Variants in DYNC1I1 observed in about 807,000 individuals in gnomAD.
DYNC1I1 encodes cytoplasmic dynein 1 intermediate chain 1.
A neutral mutation model predicts 86.6 loss-of-function variants in DYNC1I1; 43 were observed. The ratio of observed to expected loss-of-function variants is 0.50; its 90% confidence interval spans 0.39 to 0.64. DYNC1I1 has a LOEUF of 0.64. Ranked by LOEUF, DYNC1I1 falls within the 30% of genes least tolerant of loss-of-function variation. DYNC1I1 has a pLI of 0.00. For synonymous variants in DYNC1I1, 262 were observed against 283.7 expected, an observed-to-expected ratio of 0.92 and a Z score of 0.77; for missense variants, 604 against 788.8, an observed-to-expected ratio of 0.77 and a Z score of 2.81.
chr7:95,906,163 T>C (rs1289932255), intron 6 of DYNC1I1, among the ~76,000 whole-genome samples: 1 of 152,184 alleles, frequency 6.6e-6, no homozygotes, highest in East Asian at 1.9e-4. Flanking sequence ...GTTTCTATTA[T>C]TTCTGGAAGC....
intron 4 of DYNC1I1, chr7:95,819,082 A>G (rs1239075677): frequency 2.0e-5 from 3 of 152,118 alleles, no homozygotes; most frequent in Non-Finnish European, 4.4e-5. Flanking sequence ...AGGTGGAGAA[A>G]TGTCTTCTGA....
chr7:95,989,218 A>T (rs1026541511), intron 9 of DYNC1I1, among the ~76,000 whole-genome samples: 6 of 152,194 alleles, frequency 3.9e-5, no homozygotes, highest in African/African-American at 1.4e-4. Flanking sequence ...AATTAATCCT[A>T]TTGGAGAACA....
chr7:95,804,618 A>G, intron 1 of DYNC1I1, 103 bp from the exon 2 acceptor site: 1 of 1,267,686 alleles, frequency 7.9e-7, no homozygotes. Context: ...TGATCATCCA[A>G]AAGTCACATT....
At chr7:95,814,073 AC>A (rs1794895339) in intron 4 of DYNC1I1, among the ~76,000 whole-genome samples, 1 of 152,194 alleles carries the variant, frequency 6.6e-6, no homozygotes, top group South Asian at 2.1e-4. Context: ...CAGTGTTCCC[AC>A]ATGCCGGGGT....
intron 6 of DYNC1I1, among the ~76,000 whole-genome samples, chr7:95,880,549 G>A (rs1257297818): frequency 6.6e-6 from 1 of 151,864 alleles, no homozygotes; most frequent in Non-Finnish European, 1.5e-5. Context: ...GTCAGGTCCA[G>A]CCTTACCTGT....
intron 10 of DYNC1I1, among the ~76,000 whole-genome samples, chr7:96,025,885 T>A (rs537578744): frequency 6.6e-6 from 1 of 151,910 alleles, no homozygotes; most frequent in African/African-American, 2.4e-5. Flanking sequence ...ACAGAAGCAA[T>A]CAAGTGGTTG....
At chr7:95,934,920 GT>G (rs927362207) in intron 6 of DYNC1I1, among the ~76,000 whole-genome samples, 7 of 148,894 alleles carry the variant, frequency 4.7e-5, no homozygotes, top group East Asian at 3.9e-4. Context: ...TTTGTTCTTC[GT>G]TTTTTTTTGT....
intron 14 of DYNC1I1, among the ~76,000 whole-genome samples, chr7:96,049,257 CAAAAAAAAAAAA>C (rs200677000): frequency 2.4e-4 from 18 of 76,034 alleles, no homozygotes; most frequent in African/African-American, 8.8e-4. Flanking sequence ...GACTCCATCT[CAAAAAAAAAAAA>C]AAAAAAAAAA....
chr7:95,782,544 G>T (rs187507703), intron 1 of DYNC1I1, among the ~76,000 whole-genome samples: 1 of 152,340 alleles, frequency 6.6e-6, no homozygotes, highest in East Asian at 1.9e-4. Context: ...GAGCCAGAAT[G>T]AGCACTTTTG....
intron 5 of DYNC1I1, among the ~76,000 whole-genome samples, chr7:95,854,211 G>T (rs536867567): frequency 3.9e-5 from 6 of 152,078 alleles, no homozygotes; most frequent in African/African-American, 1.2e-4. Context: ...TAGACCCTCT[G>T]TTCTTTTCTT....
intron 14 of DYNC1I1, among the ~76,000 whole-genome samples, chr7:96,044,387 C>CA (rs1479730559): frequency 5.3e-5 from 8 of 151,088 alleles, no homozygotes; most frequent in Admixed American, 2.6e-4. Context: ...GAGGGTGGGA[C>CA]AAAAAATTAC....
intron 6 of DYNC1I1, among the ~76,000 whole-genome samples, chr7:95,925,938 A>T (rs1345115142): frequency 6.6e-6 from 1 of 152,186 alleles, no homozygotes; most frequent in Non-Finnish European, 1.5e-5. Context: ...AAAGTTCCTT[A>T]ATATTTACCC....
chr7:95,966,647 G>C (rs1364923302), intron 6 of DYNC1I1, among the ~76,000 whole-genome samples: 1 of 152,192 alleles, frequency 6.6e-6, no homozygotes, highest in African/African-American at 2.4e-5. Flanking sequence ...CCTTTCTAAA[G>C]CCTCGGTTTT....
chr7:96,052,277 A>T (rs1477612884), intron 14 of DYNC1I1, among the ~76,000 whole-genome samples: 2 of 152,212 alleles, frequency 1.3e-5, no homozygotes, highest in Admixed American at 1.3e-4. Context: ...AAGCTTTAAA[A>T]ATCCTACTAG....
intron 6 of DYNC1I1, among the ~76,000 whole-genome samples, chr7:95,914,736 A>T (rs1791423976): frequency 6.6e-6 from 1 of 152,238 alleles, no homozygotes; most frequent in Admixed American, 6.5e-5. Context: ...TGGCATTTGC[A>T]TTAATTCATG....
At chr7:95,802,129 G>A (rs1441907785) in intron 1 of DYNC1I1, among the ~76,000 whole-genome samples, 1 of 151,722 alleles carries the variant, frequency 6.6e-6, no homozygotes, top group Non-Finnish European at 1.5e-5. Flanking sequence ...CATCTGTAGT[G>A]TTGTATTTGT....
At chr7:95,907,656 C>G (rs1791210479) in intron 6 of DYNC1I1, among the ~76,000 whole-genome samples, 1 of 152,124 alleles carries the variant, frequency 6.6e-6, no homozygotes, top group African/African-American at 2.4e-5. Context: ...ACAGCCTCTT[C>G]AGTTCAGTTT....
chr7:95,832,243 T>A (rs1467338331), intron 5 of DYNC1I1, among the ~76,000 whole-genome samples: 12 of 136,580 alleles, frequency 8.8e-5, no homozygotes, highest in Non-Finnish European at 1.7e-4. Context: ...CTTGTGATAG[T>A]TTACTGAGAA....
chr7:95,858,378 T>C (rs1207161546), intron 5 of DYNC1I1, among the ~76,000 whole-genome samples: 2 of 152,168 alleles, frequency 1.3e-5, no homozygotes, highest in Non-Finnish European at 2.9e-5. Flanking sequence ...TCATGAGATG[T>C]ATGTGGCTGC....
Sources: allele counts gnomAD v4.1 joint callset (sites outside exome capture counted in the v4.1 genomes callset), GRCh38; gene constraint gnomAD v4.1.1; transcripts MANE v1.5; gene names NCBI Gene and HGNC (gene_info 2026-07-23, HGNC 2026-07-21).